Variants in STK38 observed in about 807,000 individuals in gnomAD.
STK38 encodes the protein serine/threonine kinase 38, also known as serine/threonine-protein kinase 38.
A neutral mutation model predicts 59.0 loss-of-function variants in STK38; 26 were observed. The ratio of observed to expected loss-of-function variants is 0.44; its 90% CI spans 0.32 to 0.61. The LOEUF (loss-of-function observed/expected upper bound fraction) is 0.61, where lower values mean the gene tolerates loss of function less well. STK38 is among the 20% of genes least tolerant of loss of function. STK38 has a pLI of 0.04. For synonymous variants in STK38, 175 were observed against 176.6 expected, an observed-to-expected ratio of 0.99 and a Z score of 0.07; for missense variants, 433 against 566.0, an observed-to-expected ratio of 0.76 and a Z score of 2.38.
At position 36,524,204 on chromosome 6, in the gene STK38, A is replaced by G. The variant is rs1777452539; in HGVS notation, c.306+137T>C. The G allele has an allele frequency of 3.0e-6, 3 of 1,005,426 alleles. No individual in the cohort carries two copies. The African/African-American group carries it at 5.0e-5, about 17-fold the overall frequency. 62.3% of individuals were successfully genotyped at this position (1,005,426 alleles called of 1,614,324 possible). Reference sequence around the variant, plus strand: ...AAAGAGAAAGCAGACAGACAAAGCAATTAGGATGTGGGGCTGGCATGCCTG... The same window carrying G: ...AAAGAGAAAGCAGACAGACAAAGCAGTTAGGATGTGGGGCTGGCATGCCTG... On this transcript the variant is annotated intron_variant, in intron 4 of 13. Transcript: ENST00000229812.
chr6:36,526,124 C>T (rs1339177004), intron 2 of STK38, among the ~76,000 whole-genome samples: 3 of 152,242 alleles, frequency 2.0e-5, no homozygotes, highest in East Asian at 3.9e-4. Context: ...AGCCACCATG[C>T]CCCGCCCTTA....
At chr6:36,536,384 T>C (rs1777790952) in intron 2 of STK38, among the ~76,000 whole-genome samples, 1 of 151,938 alleles carries the variant, frequency 6.6e-6, no homozygotes, top group African/African-American at 2.4e-5. Context: ...TAAATAAAGG[T>C]TTCTGGCCAG....
chr6:36,502,126 A>G (rs762360586), intron 9 of STK38, among the ~76,000 whole-genome samples: 1 of 152,092 alleles, frequency 6.6e-6, no homozygotes, highest in Non-Finnish European at 1.5e-5. Context: ...CAATCTGATG[A>G]ATATGAAATG....
chr6:36,508,752 G>T (rs1777029662), intron 7 of STK38, among the ~76,000 whole-genome samples: 1 of 152,232 alleles, frequency 6.6e-6, no homozygotes, highest in African/African-American at 2.4e-5. Context: ...AGGCGTGTGT[G>T]AGTGAGTGCG....
intron 2 of STK38, among the ~76,000 whole-genome samples, chr6:36,527,207 A>AAAAAAAAATATATATAT (rs60162863): frequency 5.9e-5 from 7 of 119,352 alleles, no homozygotes; most frequent in Admixed American, 2.1e-4. Context: ...AAAAAAAAAA[A>AAAAAAAAATATATATAT]ATATATGTAT....
At chr6:36,530,062 G>A (rs1300984237) in intron 2 of STK38, among the ~76,000 whole-genome samples, 2 of 152,090 alleles carry the variant, frequency 1.3e-5, no homozygotes, top group Non-Finnish European at 2.9e-5. Context: ...CCAACATGGT[G>A]AAACCCCATC....
intron 10 of STK38, 27 bp downstream of exon 10, chr6:36,499,846 A>G (rs1037407058): frequency 3.6e-5 from 57 of 1,582,150 alleles, no homozygotes; most frequent in Non-Finnish European, 4.8e-5. Flanking sequence ...ATGCACAGAA[A>G]AAGTCCTCTG....
At chr6:36,498,314 A>C (rs1253520336) in intron 11 of STK38, 49 bp downstream of exon 11, 1 of 1,578,620 alleles carries the variant, frequency 6.3e-7, no homozygotes, top group Admixed American at 2.1e-5. Flanking sequence ...AAATGGAATC[A>C]TTCATATTAA....
intron 5 of STK38, among the ~76,000 whole-genome samples, chr6:36,518,389 T>A (rs1777304327): frequency 1.3e-5 from 2 of 152,174 alleles, no homozygotes; most frequent in South Asian, 4.1e-4. Context: ...TTAATGACAT[T>A]TCCAATTTTA....
chr6:36,516,434 A>T (rs758217793), intron 6 of STK38, among the ~76,000 whole-genome samples: 49 of 152,368 alleles, frequency 3.2e-4, no homozygotes, highest in Non-Finnish European at 1.8e-4. Flanking sequence ...GAAAAGAGAA[A>T]GAAACCTCTG....
intron 5 of STK38, 151 bp from the exon 6 acceptor site, chr6:36,517,991 T>G: frequency 9.4e-7 from 1 of 1,066,332 alleles, no homozygotes; most frequent in South Asian, 2.3e-5. Flanking sequence ...TAGGCAAACC[T>G]ACTAACTCAA....
intron 8 of STK38, among the ~76,000 whole-genome samples, 175 bp downstream of exon 8, chr6:36,507,325 T>C (rs1776990888): frequency 6.6e-6 from 1 of 152,050 alleles, no homozygotes. Context: ...TGGTACCCAC[T>C]CATTCATCTT....
chr6:36,514,173 AG>A (rs1777189014), intron 7 of STK38, among the ~76,000 whole-genome samples: 1 of 150,380 alleles, frequency 6.6e-6, no homozygotes, highest in Admixed American at 6.6e-5. Flanking sequence ...AAAAAAAAAA[AG>A]GTACAGTGGT....
chr6:36,498,572 CT>C (rs1401809405), intron 10 of STK38, 86 bp from the exon 11 acceptor site: 85 of 1,182,450 alleles, frequency 7.2e-5, no homozygotes, highest in Non-Finnish European at 7.7e-5. Flanking sequence ...AATTCTATGT[CT>C]TTTTTTTTCT....
chr6:36,498,416 CAA>C lies in STK38; in HGVS notation c.1021_1022del (p.Leu341AspfsTer10). The C allele has an allele frequency of 6.2e-7, 1 of 1,613,992 alleles. No homozygotes were observed. The highest frequency in any genetic ancestry group is 8.5e-7 in the Non-Finnish European group (1 of 1,179,966). On this transcript the variant is annotated frameshift_variant, in exon 11 of 14. Transcript: ENST00000229812. LOFTEE classifies it high-confidence loss of function. ...AGATGGGAACTTCTGGAGGAAAAGT[CAA>C]AGTTTCTTTCCAGTTCATCACCTTC... ...YKKVMNWKET[L>X]TFPPEVPISE...
rs115055856 is a variant in STK38 at position 36,540,455 on chromosome 6, A to G, written c.-5-248T>C. ...CCGTCACACAGGCTTCTAAAGTGAC[A>G]TACACAGGATGTTCAGCACAGAGAG... On this transcript the variant is annotated intron_variant, in intron 1 of 13. Coordinates refer to ENST00000229812, the MANE Select transcript of STK38 (RefSeq NM_007271.4). Among the ~76,000 whole-genome samples, 784 of 152,340 alleles carry G rather than the reference A, an allele frequency of 5.1e-3. 3 individuals carry two copies. Among genetic ancestry groups the G allele is most frequent in the African/African-American group, 0.017 (725 of 41,574 alleles).
intron 2 of STK38, among the ~76,000 whole-genome samples, chr6:36,539,027 G>A (rs575993083): frequency 1.3e-5 from 2 of 151,744 alleles, no homozygotes; most frequent in African/African-American, 2.4e-5. Flanking sequence ...TATATTCACT[G>A]TTTATTACAA....
intron 3 of STK38, among the ~76,000 whole-genome samples, chr6:36,525,083 G>T (rs1777478730): frequency 6.6e-6 from 1 of 152,124 alleles, no homozygotes; most frequent in Non-Finnish European, 1.5e-5. Flanking sequence ...GGGGCATGGG[G>T]GGAAAGGGAG....
intron 1 of STK38, among the ~76,000 whole-genome samples, chr6:36,546,754 C>T (rs1215379050): frequency 6.6e-6 from 1 of 152,148 alleles, no homozygotes; most frequent in Non-Finnish European, 1.5e-5. Flanking sequence ...CTCAAAGATA[C>T]CACACCCCAA....
Sources: gnomAD v4.1 joint callset for allele counts (sites outside exome capture counted in the v4.1 genomes callset) on GRCh38, gnomAD v4.1.1 for gene constraint, MANE v1.5 for transcripts, NCBI Gene and HGNC (gene_info 2026-07-23, HGNC 2026-07-21) for gene names.